The following METTL14 variants were observed in gnomAD, a reference collection of about 807,000 sequenced individuals.
METTL14 encodes the protein N(6)-adenosine-methyltransferase non-catalytic subunit METTL14.
Under a neutral mutation model 62.4 loss-of-function variants are expected in METTL14, and 32 were observed. The ratio of observed to expected loss-of-function variants is 0.51; its 90% CI spans 0.39 to 0.69. The LOEUF is 0.69. METTL14 is among the 30% of genes least tolerant of loss of function. The pLI, the probability that METTL14 is intolerant of heterozygous loss-of-function variation, is 0.00. For synonymous variants in METTL14, 150 were observed against 180.0 expected, an observed-to-expected ratio of 0.83 and a Z score of 1.34; for missense variants, 340 against 551.9, an observed-to-expected ratio of 0.62 and a Z score of 3.85.
intron 9 of METTL14, 46 bp from the exon 10 acceptor site, chr4:118,705,565 T>C: frequency 6.9e-7 from 1 of 1,457,358 alleles, no homozygotes; most frequent in Non-Finnish European, 9.6e-7. Context: ...GGTTTTGGAA[T>C]GACTGTTGAT....
chr4:118,689,748 A>G (rs1307140459), intron 3 of METTL14, among the ~76,000 whole-genome samples: 2 of 147,892 alleles, frequency 1.4e-5, no homozygotes, highest in African/African-American at 5.0e-5. Context: ...ATTCTAAGGG[A>G]TTCTTCTGCC....
At chr4:118,688,329 C>T (rs962019089) in intron 2 of METTL14, among the ~76,000 whole-genome samples, 1 of 151,606 alleles carries the variant, frequency 6.6e-6, no homozygotes, top group Admixed American at 6.6e-5. Flanking sequence ...CCCCGCTACT[C>T]GGGAGCCTTA....
rs531667576 is a variant in METTL14 at position 118,702,971 on chromosome 4, A to ATTATTATTATTATTG, written c.739-957_739-956insTATTATTGTTATTAT. Among the ~76,000 whole-genome samples the ATTATTATTATTATTG allele has an allele frequency of 1.4e-3, 204 of 144,890 alleles. 1 individual carries two copies. Among genetic ancestry groups the ATTATTATTATTATTG allele is most frequent in the Middle Eastern group, 7.2e-3 (2 of 278 alleles). ...TATTATTATTATTATTATTATTATTATTATTATACTTTAAGTTCTGGGATA... is the reference window on the plus strand; with the variant it reads ...TATTATTATTATTATTATTATTATTATTATTATTATTATTGTTATTATACTTTAAGTTCTGGGATA... On this transcript the variant is annotated intron_variant, in intron 8 of 10. Transcript: ENST00000388822.
At chr4:118,695,046 G>C (rs1724366429) in intron 6 of METTL14, among the ~76,000 whole-genome samples, 1 of 151,728 alleles carries the variant, frequency 6.6e-6, no homozygotes, top group Non-Finnish European at 1.5e-5. Flanking sequence ...TGCTCAGGCT[G>C]GTCTCAAACT....
intron 5 of METTL14, among the ~76,000 whole-genome samples, 181 bp downstream of exon 5, chr4:118,692,249 G>A (rs442119): frequency 7.7e-6 from 1 of 130,624 alleles, no homozygotes; most frequent in Non-Finnish European, 1.6e-5. Flanking sequence ...TTTTGAGACA[G>A]AGCCTTGCTG....
At chr4:118,694,648 C>T (rs1724352381) in intron 6 of METTL14, 122 bp downstream of exon 6, 1 of 719,676 alleles carries the variant, frequency 1.4e-6, no homozygotes, top group Non-Finnish European at 2.4e-6. Flanking sequence ...CTTTATTACT[C>T]TGTTTCTTCT....
At chr4:118,696,256 C>T (rs1339293092) in intron 6 of METTL14, among the ~76,000 whole-genome samples, 1 of 150,324 alleles carries the variant, frequency 6.7e-6, no homozygotes, top group Admixed American at 6.6e-5. Flanking sequence ...TACTTTCTTG[C>T]TTATTTACTT....
chr4:118,691,929 T>G, intron 4 of METTL14, 52 bp from the exon 5 acceptor site: 1 of 1,145,140 alleles, frequency 8.7e-7, no homozygotes, highest in Non-Finnish European at 1.3e-6. Context: ...CAGAGATAAT[T>G]TATCTGCCAT....
Position 118,711,194 on chromosome 4 carries a change from T to C in METTL14, c.*892T>C, listed in dbSNP as rs1013515659. 2.2e-4 allele frequency: 34 copies of C among 152,236 alleles called. 1 individual carries two copies. Among genetic ancestry groups the C allele is most frequent in the Non-Finnish European group, 7.3e-5 (5 of 68,046 alleles). 9.4% of individuals were successfully genotyped at this position (152,236 alleles called of 1,614,324 possible). Reference sequence around the variant, plus strand: ...CCTTTAAACTTGTTATGGAGATAGTTTAATGTAAAACCAACTACGGAAAAC... The same window carrying C: ...CCTTTAAACTTGTTATGGAGATAGTCTAATGTAAAACCAACTACGGAAAAC... On this transcript the variant is annotated 3_prime_UTR_variant, in exon 11 of 11. Coordinates refer to ENST00000388822, the MANE Select transcript of METTL14 (RefSeq NM_020961.4).
intron 3 of METTL14, among the ~76,000 whole-genome samples, chr4:118,689,994 G>T: frequency 6.9e-6 from 1 of 145,330 alleles, no homozygotes; most frequent in Admixed American, 7.1e-5. Context: ...TATATATGAG[G>T]CACTTAGCAT....
At position 118,697,314 on chromosome 4, in the gene METTL14, T is replaced by C; in HGVS notation, c.636T>C (p.Thr212=). Residue 212 remains threonine (T), a synonymous_variant, in exon 7 of 11, where the codon ACT becomes ACC. Coordinates refer to ENST00000388822, the MANE Select transcript of METTL14 (RefSeq NM_020961.4). ...TCACTGCTAATGAAAAATGCTGGAC[T>C]TGGGATGATGTATGATCAAACTTTC... ...TGITANEKCW[T]WDDIMKLEID... is the part of the protein sequence containing the mutation. 6.2e-7 allele frequency: 1 copy of C among 1,601,088 alleles called. No homozygotes were observed. The highest frequency in any genetic ancestry group is 1.1e-5 in the South Asian group (1 of 87,528).
chr4:118,686,734 T>G, intron 1 of METTL14: 1 of 440,336 alleles, frequency 2.3e-6, no homozygotes, highest in South Asian at 1.6e-5. Flanking sequence ...ACAGAAGACG[T>G]TTTACTCCTT....
At chr4:118,704,189 G>T in intron 9 of METTL14, 138 bp downstream of exon 9, 1 of 591,776 alleles carries the variant, frequency 1.7e-6, no homozygotes, top group Non-Finnish European at 2.9e-6. Flanking sequence ...GAGCATTACA[G>T]GAATACATCC....
intron 8 of METTL14, among the ~76,000 whole-genome samples, chr4:118,702,343 A>G (rs1724620030): frequency 6.6e-6 from 1 of 152,158 alleles, no homozygotes; most frequent in South Asian, 2.1e-4. Context: ...ATAATTCAGC[A>G]TGAGAAATAC....
In METTL14 at chr4:118,706,302, G is replaced by GTAAT. The variant is rs1724755366; in HGVS notation, c.1066+483_1066+486dup. On this transcript the variant is annotated intron_variant, in intron 10 of 10. Coordinates refer to ENST00000388822, the MANE Select transcript of METTL14 (RefSeq NM_020961.4). The stretch of plus-strand genomic sequence containing the variant: ...AACCACTTATCTTTTTACTGTCTCC[G>GTAAT]TAATTTGCCTTTGTCAGAATGTTAC... Among the ~76,000 whole-genome samples, 7 of 152,206 alleles carry GTAAT rather than the reference G, an allele frequency of 4.6e-5. No individual in the cohort carries two copies. In the South Asian group the frequency reaches 1.5e-3, roughly 32 times the overall value.
At chr4:118,695,497 C>T (rs1724380861) in intron 6 of METTL14, among the ~76,000 whole-genome samples, 3 of 152,124 alleles carry the variant, frequency 2.0e-5, no homozygotes, top group Admixed American at 1.3e-4. Context: ...TGCAGTGAGC[C>T]GAGATCGCAC....
At chr4:118,700,368 A>T (rs1271865582) in intron 7 of METTL14, among the ~76,000 whole-genome samples, 182 bp from the exon 8 acceptor site, 3 of 152,182 alleles carry the variant, frequency 2.0e-5, no homozygotes, top group Admixed American at 1.3e-4. Context: ...TTTGTATATA[A>T]AGTAACAAAA....
intron 5 of METTL14, among the ~76,000 whole-genome samples, chr4:118,693,507 A>G (rs1016477461): frequency 6.6e-5 from 10 of 152,192 alleles, no homozygotes; most frequent in African/African-American, 1.9e-4. Flanking sequence ...TAGCACAAAC[A>G]TTCTATTTTT....
At chr4:118,700,401 G>T in intron 7 of METTL14, 149 bp from the exon 8 acceptor site, 1 of 578,920 alleles carries the variant, frequency 1.7e-6, no homozygotes, top group South Asian at 2.2e-5. Flanking sequence ...TAATTTTAAG[G>T]ATAACATTTA....
Sources: gnomAD v4.1 joint callset for allele counts (sites outside exome capture counted in the v4.1 genomes callset) on GRCh38, gnomAD v4.1.1 for gene constraint, MANE v1.5 for transcripts, NCBI Gene and HGNC (gene_info 2026-07-23, HGNC 2026-07-21) for gene names.